Variants in MATCAP1 observed in about 807,000 individuals in gnomAD.
MATCAP1 encodes microtubule associated tyrosine carboxypeptidase 1.
the MATCAP1 span, chr16:67,177,941 C>T: frequency 7.0e-7 from 1 of 1,420,938 alleles, no homozygotes; most frequent in Non-Finnish European, 9.9e-7. Context: ...AGCACCAATC[C>T]GAGGCTCAGG....
At chr16:67,178,158 C>T in the MATCAP1 span, 2 of 1,554,296 alleles carry the variant, frequency 1.3e-6, no homozygotes, top group Admixed American at 3.8e-5. Flanking sequence ...AAGCCCCGCC[C>T]CCACCCCGGC....
chr16:67,179,155 G>A, the MATCAP1 span: 22 of 1,261,210 alleles, frequency 1.7e-5, no homozygotes, highest in South Asian at 7.6e-5. The surrounding 1 kb of genome is among the most constrained non-coding windows in gnomAD (Gnocchi z 5.2). Context: ...AGCCTTGCCC[G>A]CACTGTTGGG....
the MATCAP1 span, chr16:67,183,799 G>A: frequency 1.8e-5 from 3 of 168,662 alleles, no homozygotes; most frequent in African/African-American, 7.2e-5. Flanking sequence ...GCTTCTCCGG[G>A]AGATCAGGAA....
chr16:67,179,997 C>G, the MATCAP1 span: 7 of 1,613,222 alleles, frequency 4.3e-6, no homozygotes, highest in Non-Finnish European at 5.1e-6. This position sits in a 1 kb window ranked among gnomAD's most constrained non-coding sequence, Gnocchi z 5.2. Context: ...GGACAAGCCC[C>G]TTGGGTGGTC....
chr16:67,179,618 G>A, the MATCAP1 span: 1 of 1,549,628 alleles, frequency 6.5e-7, no homozygotes, highest in South Asian at 1.1e-5. This position sits in a 1 kb window ranked among gnomAD's most constrained non-coding sequence, Gnocchi z 5.2. Context: ...GGGTGCAGGT[G>A]GACCCAATGA....
the MATCAP1 span, chr16:67,176,005 G>A: frequency 6.5e-6 from 1 of 153,430 alleles, no homozygotes; most frequent in African/African-American, 2.4e-5. The surrounding 1 kb of genome is among the most constrained non-coding windows in gnomAD (Gnocchi z 4.3). Context: ...GGAGGGAGTG[G>A]GGAACAGGGC....
chr16:67,179,647 CCAGA>C, the MATCAP1 span: 1 of 1,489,510 alleles, frequency 6.7e-7, no homozygotes, highest in East Asian at 2.3e-5. This position sits in a 1 kb window ranked among gnomAD's most constrained non-coding sequence, Gnocchi z 5.2. Context: ...GGCAGCGAGG[CCAGA>C]CAATTGGCCA....
At chr16:67,178,500 G>T in the MATCAP1 span, 2 of 1,524,732 alleles carry the variant, frequency 1.3e-6, no homozygotes, top group Non-Finnish European at 1.8e-6. Context: ...GCAGGTAGTG[G>T]GTGCCTGCGG....
chr16:67,180,020 C>T, the MATCAP1 span: 118,934 of 1,612,412 alleles, frequency 0.074, 6,641 homozygotes, highest in African/African-American at 0.29. Context: ...GGCCAGGATA[C>T]GGTGGGGAGG....
At chr16:67,178,573 G>T in the MATCAP1 span, 1 of 1,376,974 alleles carries the variant, frequency 7.3e-7, no homozygotes, top group Non-Finnish European at 1.0e-6. Context: ...GCCCAGCCCT[G>T]GCCCTGTTCC....
At chr16:67,177,009 G>T in the MATCAP1 span, 1 of 1,479,622 alleles carries the variant, frequency 6.8e-7, no homozygotes. Context: ...GGCATAGGCA[G>T]TGGCCCCTGG....
the MATCAP1 span, chr16:67,178,193 G>A: frequency 6.5e-7 from 1 of 1,534,288 alleles, no homozygotes; most frequent in South Asian, 1.2e-5. Context: ...CCGCGCTGGC[G>A]CACACCTGGC....
At chr16:67,179,605 C>A in the MATCAP1 span, 1 of 1,584,020 alleles carries the variant, frequency 6.3e-7, no homozygotes, top group Non-Finnish European at 8.6e-7. The surrounding 1 kb of genome is among the most constrained non-coding windows in gnomAD (Gnocchi z 5.2). Context: ...CAGCCTGGGG[C>A]CAGGGTGCAG....
the MATCAP1 span, chr16:67,179,186 A>G: frequency 1.5e-6 from 2 of 1,335,120 alleles, no homozygotes; most frequent in Non-Finnish European, 1.9e-6. This position sits in a 1 kb window ranked among gnomAD's most constrained non-coding sequence, Gnocchi z 5.2. Flanking sequence ...GAGGAAGTGG[A>G]GAGAGAAAAA....
At chr16:67,179,710 TGGGGCA>T in the MATCAP1 span, 3 of 1,535,392 alleles carry the variant, frequency 2.0e-6, no homozygotes, top group South Asian at 1.2e-5. This position sits in a 1 kb window ranked among gnomAD's most constrained non-coding sequence, Gnocchi z 5.2. Context: ...CCCACCTCAC[TGGGGCA>T]GGGGCAGGGG....
At chr16:67,178,234 C>T in the MATCAP1 span, 2 of 1,547,072 alleles carry the variant, frequency 1.3e-6, no homozygotes, top group Non-Finnish European at 1.7e-6. Flanking sequence ...GCGCTTGGCG[C>T]GCACGCAGTA....
the MATCAP1 span, chr16:67,176,661 T>G: frequency 1.5e-6 from 1 of 689,508 alleles, no homozygotes; most frequent in South Asian, 2.8e-5. The surrounding 1 kb of genome is among the most constrained non-coding windows in gnomAD (Gnocchi z 4.3). Flanking sequence ...AACACTTTGA[T>G]GTTGCCACTC....
chr16:67,177,964 A>G, the MATCAP1 span: 1 of 1,536,630 alleles, frequency 6.5e-7, no homozygotes, highest in African/African-American at 1.4e-5. Flanking sequence ...ATTCTACAGC[A>G]AGGCAGGGAG....
the MATCAP1 span, chr16:67,181,769 A>T: frequency 6.6e-6 from 1 of 152,150 alleles, no homozygotes; most frequent in Non-Finnish European, 1.5e-5. Flanking sequence ...ATCTCCCTCC[A>T]CTTGCTCCTA....
Sources: gnomAD v4.1 joint callset for allele counts on GRCh38, gnomAD v4.1.1 for gene constraint, Gnocchi (gnomAD v3.1) non-coding constraint, MANE v1.5 for transcripts, NCBI Gene and HGNC (gene_info 2026-07-23, HGNC 2026-07-21) for gene names.